The following INTS4 variants were observed in gnomAD, a reference collection of about 807,000 sequenced individuals.
INTS4 encodes the protein integrator complex subunit 4.
A neutral mutation model predicts 119.5 loss-of-function variants in INTS4; 70 were observed. That is an observed-to-expected ratio of 0.59 (90% CI 0.48 to 0.71). The LOEUF is 0.71. INTS4 is among the 30% of genes least tolerant of loss of function. The pLI, the probability that INTS4 is intolerant of heterozygous loss-of-function variation, is 0.00. For synonymous variants in INTS4, 316 were observed against 419.6 expected (o/e 0.75, Z 3.02); for missense variants, 867 against 1,173.2 (o/e 0.74, Z 3.81).
chr11:77,921,962 C>T (rs1380114279), intron 13 of INTS4, among the ~76,000 whole-genome samples: 6 of 152,060 alleles, frequency 3.9e-5, no homozygotes, highest in South Asian at 2.1e-4. Flanking sequence ...ATCCGGGAGG[C>T]GGAGGTTGCA....
chr11:77,978,869 C>T lies in INTS4; in HGVS notation c.471+127G>A, dbSNP rs547249965. On this transcript the variant is annotated intron_variant, in intron 4 of 22. Transcript: ENST00000534064. ...CGAAATACACTTTATAACAAGTGTA[C>T]TTAACTTTATTCCTAATCCAACACC... 5 of 599,374 alleles carry T rather than the reference C, an allele frequency of 8.3e-6. No individual in the cohort carries two copies. The South Asian group carries it at 9.8e-5, about 12-fold the overall frequency. The allele number at this position is 599,374 out of a possible 1,614,324, so 37.1% of individuals were successfully genotyped here.
Position 77,935,952 on chromosome 11 carries a change from T to C in INTS4, c.1165+2699A>G, listed in dbSNP as rs138221858. ...CGCTTCAAGTAGTGCAAAAGAAGAG[T>C]TTTTTGCTTCACTAGTGGAGAAAAG... On this transcript the variant is annotated intron_variant, in intron 10 of 22. Coordinates refer to ENST00000534064, the MANE Select transcript of INTS4 (RefSeq NM_033547.4). Among the ~76,000 whole-genome samples the C allele has an allele frequency of 8.3e-3, 1,126 of 135,284 alleles. 6 individuals carry two copies. The highest frequency in any genetic ancestry group is 0.012 in the Non-Finnish European group (780 of 62,844). The allele number at this position is 135,284 out of a possible 152,430, so 88.8% of individuals were successfully genotyped here.
intron 5 of INTS4, 30 bp downstream of exon 5, chr11:77,960,923 G>A: frequency 1.9e-6 from 3 of 1,575,106 alleles, no homozygotes; most frequent in Non-Finnish European, 2.6e-6. Context: ...ATGAACACTA[G>A]CCCCAACTAG....
intron 3 of INTS4, among the ~76,000 whole-genome samples, chr11:77,980,770 C>T (rs1171576201): frequency 6.6e-6 from 1 of 152,064 alleles, no homozygotes; most frequent in Non-Finnish European, 1.5e-5. Flanking sequence ...GTGGGTGGAT[C>T]ACAAGGTCAG....
At chr11:77,955,095 T>A (rs2136565696) in intron 8 of INTS4, among the ~76,000 whole-genome samples, 1 of 152,196 alleles carries the variant, frequency 6.6e-6, no homozygotes, top group South Asian at 2.1e-4. Context: ...ATCCCAACAA[T>A]TTGGGAGGCC....
intron 8 of INTS4, among the ~76,000 whole-genome samples, chr11:77,953,882 G>A (rs184534913): frequency 4.0e-4 from 60 of 148,608 alleles, no homozygotes; most frequent in East Asian, 2.0e-3. Flanking sequence ...CTGCACCTCT[G>A]CCTCCCGGGT....
intron 4 of INTS4, chr11:77,978,137 C>T (rs1211385450): frequency 2.0e-5 from 3 of 152,084 alleles, no homozygotes; most frequent in Non-Finnish European, 4.4e-5. Context: ...AATGATCCGC[C>T]CACCTCTGCC....
chr11:77,958,951 G>A (rs1302374703), intron 6 of INTS4, 117 bp from the exon 7 acceptor site: 1 of 685,804 alleles, frequency 1.5e-6, no homozygotes, highest in Non-Finnish European at 2.7e-6. Flanking sequence ...ACACTTGTGT[G>A]TGGTTTTAAC....
intron 4 of INTS4, among the ~76,000 whole-genome samples, chr11:77,972,832 T>A (rs760080008): frequency 2.7e-5 from 1 of 36,812 alleles, no homozygotes; most frequent in East Asian, 6.4e-4. Flanking sequence ...CTTTTGTGGG[T>A]TTTTTTTTTT....
At chr11:77,932,635 C>G (rs1248124463) in intron 10 of INTS4, among the ~76,000 whole-genome samples, 1 of 152,118 alleles carries the variant, frequency 6.6e-6, no homozygotes, top group African/African-American at 2.4e-5. Flanking sequence ...ATAAATCATT[C>G]TACTATAAGA....
intron 10 of INTS4, among the ~76,000 whole-genome samples, chr11:77,932,915 T>C (rs113152298): frequency 1.2e-4 from 14 of 119,508 alleles, no homozygotes; most frequent in Admixed American, 2.3e-4. Flanking sequence ...TGAGAACACA[T>C]GGACACTGAA....
intron 8 of INTS4, among the ~76,000 whole-genome samples, chr11:77,943,769 T>C (rs1953984496): frequency 6.6e-6 from 1 of 152,240 alleles, no homozygotes; most frequent in Non-Finnish European, 1.5e-5. Flanking sequence ...ATTAAATGTA[T>C]GTGAAATTTA....
At chr11:77,917,556 C>T (rs1347328788) in intron 15 of INTS4, among the ~76,000 whole-genome samples, 8 of 151,840 alleles carry the variant, frequency 5.3e-5, no homozygotes, top group Admixed American at 2.0e-4. Context: ...GTGATCCTCC[C>T]GCCTCAGTCT....
intron 4 of INTS4, among the ~76,000 whole-genome samples, chr11:77,970,893 C>A (rs1412670408): frequency 6.6e-6 from 1 of 152,116 alleles, no homozygotes; most frequent in Non-Finnish European, 1.5e-5. Flanking sequence ...CTCACTGCAA[C>A]CTCCACCTCC....
intron 4 of INTS4, among the ~76,000 whole-genome samples, chr11:77,968,124 A>G (rs770588580): frequency 6.6e-6 from 1 of 152,236 alleles, no homozygotes; most frequent in Non-Finnish European, 1.5e-5. Context: ...GAAAAAGTAC[A>G]GTAAAAATAT....
chr11:77,883,053 G>A (rs532919995), intron 22 of INTS4, among the ~76,000 whole-genome samples: 1 of 149,234 alleles, frequency 6.7e-6, no homozygotes, highest in Non-Finnish European at 1.5e-5. Context: ...TCCAGCCTGG[G>A]CAAGAGCAAG....
intron 9 of INTS4, among the ~76,000 whole-genome samples, chr11:77,939,543 T>C (rs1023015685): frequency 7.2e-5 from 11 of 152,104 alleles, no homozygotes; most frequent in Non-Finnish European, 1.2e-4. Context: ...TCTAGTAAAC[T>C]CACTTTACAC....
At chr11:77,880,123 G>A (rs780240791) in intron 22 of INTS4, among the ~76,000 whole-genome samples, 1 of 152,186 alleles carries the variant, frequency 6.6e-6, no homozygotes, top group African/African-American at 2.4e-5. Context: ...AGTGAGCTTG[G>A]GATGTCTCCT....
intron 19 of INTS4, among the ~76,000 whole-genome samples, chr11:77,892,909 G>C (rs911398166): frequency 6.6e-6 from 1 of 152,172 alleles, no homozygotes; most frequent in Admixed American, 6.5e-5. Context: ...AAAAAGCCAA[G>C]CTAGATGGTA....
Sources: allele counts gnomAD v4.1 joint callset (sites outside exome capture counted in the v4.1 genomes callset), GRCh38; gene constraint gnomAD v4.1.1; transcripts MANE v1.5; gene names NCBI Gene and HGNC (gene_info 2026-07-23, HGNC 2026-07-21).